The following MAPK8IP3 variants were observed in gnomAD, a reference collection of about 807,000 sequenced individuals.
The protein encoded by MAPK8IP3 is C-Jun-amino-terminal kinase-interacting protein 3.
A neutral mutation model predicts 157.8 loss-of-function variants in MAPK8IP3; 49 were observed. The ratio of observed to expected loss-of-function variants is 0.31; its 90% confidence interval spans 0.25 to 0.39. The LOEUF (loss-of-function observed/expected upper bound fraction) is 0.39, where lower values mean the gene tolerates loss of function less well. Ranked by LOEUF, MAPK8IP3 falls within the 10% of genes least tolerant of loss-of-function variation. The pLI is 1.00. For synonymous variants in MAPK8IP3, 897 were observed against 777.7 expected, an observed-to-expected ratio of 1.15 and a Z score of -2.55; for missense variants, 1,478 against 1,889.4, an observed-to-expected ratio of 0.78 and a Z score of 4.04.
chr16:1,744,933 T>C (rs2040877966), intron 5 of MAPK8IP3: 1 of 979,952 alleles, frequency 1.0e-6, no homozygotes, highest in Non-Finnish European at 1.2e-6. Flanking sequence ...TTTTTTGTTG[T>C]TTTTTGTTTT....
rs2037688055 is a variant in MAPK8IP3, at chr16:1,710,314, A to G, written c.318+3657A>G. Among the ~76,000 whole-genome samples, 1 of 151,924 alleles carries G rather than the reference A, an allele frequency of 6.6e-6. No homozygotes were observed. Among genetic ancestry groups the G allele is most frequent in the Non-Finnish European group, 1.5e-5 (1 of 67,958 alleles). ...CCTGTCTCTACTAAAGAAAAAAAAAAGAAAAAAAAATTAGCCAGGTGTGGC... is the reference window on the plus strand; with the variant it reads ...CCTGTCTCTACTAAAGAAAAAAAAAGGAAAAAAAAATTAGCCAGGTGTGGC... On this transcript the variant is annotated intron_variant, in intron 1 of 31. Transcript: ENST00000610761. The surrounding 1 kb of genome is among the most constrained non-coding windows in gnomAD (Gnocchi z 4.1).
At chr16:1,735,801 ATC>A (rs1344272398) in intron 4 of MAPK8IP3, among the ~76,000 whole-genome samples, 12 of 126,686 alleles carry the variant, frequency 9.5e-5, no homozygotes, top group Non-Finnish European at 1.3e-4. Flanking sequence ...CCATGTGAGC[ATC>A]TGTGTGACCA....
At chr16:1,764,762 G>A (rs891103228) in intron 19 of MAPK8IP3, among the ~76,000 whole-genome samples, 1 of 152,212 alleles carries the variant, frequency 6.6e-6, no homozygotes, top group Non-Finnish European at 1.5e-5. Context: ...GTGGTGGGAG[G>A]CTTAGTTTTA....
At chr16:1,762,803 T>C (rs758262525) in intron 15 of MAPK8IP3, 33 bp from the exon 16 acceptor site, 23 of 1,604,930 alleles carry the variant, frequency 1.4e-5, no homozygotes, top group Middle Eastern at 3.3e-4. Context: ...CCTGGTCCTC[T>C]GCCCACCCCT....
chr16:1,715,645 A>C (rs2038097518), intron 1 of MAPK8IP3, among the ~76,000 whole-genome samples: 1 of 152,186 alleles, frequency 6.6e-6, no homozygotes, highest in African/African-American at 2.4e-5. Context: ...GATTCGTGTC[A>C]AGATTCGTTT....
intron 1 of MAPK8IP3, among the ~76,000 whole-genome samples, chr16:1,709,898 A>G (rs2037656927): frequency 6.6e-6 from 1 of 152,188 alleles, no homozygotes; most frequent in Non-Finnish European, 1.5e-5. Context: ...ACCCTAAAGA[A>G]ACTGCTGCTG....
rs1245921385 is a variant in MAPK8IP3, at chr16:1,761,051, G to A, written c.1458-173G>A. On this transcript the variant is annotated intron_variant, in intron 12 of 31. Coordinates refer to ENST00000610761, the MANE Select transcript of MAPK8IP3 (RefSeq NM_001318852.2). Reference sequence around the variant, plus strand: ...CAGGGCCACCTGTCCCCAGGGAACTGGAAGAAGCGTTCAGGGCCCTGAACC... The same window carrying A: ...CAGGGCCACCTGTCCCCAGGGAACTAGAAGAAGCGTTCAGGGCCCTGAACC... Among the ~76,000 whole-genome samples, 3 of 152,354 alleles carry A rather than the reference G, an allele frequency of 2.0e-5. No homozygotes were observed. In the East Asian group the frequency reaches 5.8e-4, roughly 29 times the overall value.
At position 1,728,479 on chromosome 16, in the gene MAPK8IP3, G is replaced by C. The variant is rs996001202; in HGVS notation, c.440-659G>C. Among the ~76,000 whole-genome samples the C allele has an allele frequency of 2.0e-5, 3 of 152,360 alleles. No individual in the cohort carries two copies. In the East Asian group the frequency reaches 5.8e-4, roughly 29 times the overall value. ...GCCTGCATCTCAGAAGCTTGTGGCTGACTTTAGCACAGAGAGCGCCTGTGG... is the reference window on the plus strand; with the variant it reads ...GCCTGCATCTCAGAAGCTTGTGGCTCACTTTAGCACAGAGAGCGCCTGTGG... On this transcript the variant is annotated intron_variant, in intron 2 of 31. Coordinates refer to ENST00000610761, the MANE Select transcript of MAPK8IP3 (RefSeq NM_001318852.2).
intron 4 of MAPK8IP3, among the ~76,000 whole-genome samples, chr16:1,737,341 C>T (rs1175567132): frequency 1.4e-4 from 9 of 66,490 alleles, no homozygotes; most frequent in Non-Finnish European, 2.4e-4. Flanking sequence ...TCCGTGTGAG[C>T]GTGACCGTCC....
chr16:1,757,027 G>A (rs2041640823), intron 8 of MAPK8IP3, among the ~76,000 whole-genome samples: 1 of 152,040 alleles, frequency 6.6e-6, no homozygotes, highest in Admixed American at 6.6e-5. Flanking sequence ...GAGAGAGAAG[G>A]ACATCTGCTC....
chr16:1,758,753 T>C (rs971287456), intron 9 of MAPK8IP3, among the ~76,000 whole-genome samples: 2 of 152,168 alleles, frequency 1.3e-5, no homozygotes, highest in Non-Finnish European at 2.9e-5. Flanking sequence ...GGCCTGGCAG[T>C]CTTCATGTAA....
chr16:1,768,941 A>C lies in MAPK8IP3; in HGVS notation c.*117A>C. 1.6e-6 allele frequency: 2 copies of C among 1,223,272 alleles called. No individual in the cohort carries two copies. Among genetic ancestry groups the C allele is most frequent in the South Asian group, 2.8e-5 (2 of 71,080 alleles). 75.8% of individuals were successfully genotyped at this position (1,223,272 alleles called of 1,614,324 possible). Reference sequence around the variant, plus strand: ...CCCCTCTTCTAACCTCTCAACCTGCAGCTTTCACCTGAGTCTGGCCCCTCC... The same window carrying C: ...CCCCTCTTCTAACCTCTCAACCTGCCGCTTTCACCTGAGTCTGGCCCCTCC... On this transcript the variant is annotated 3_prime_UTR_variant, in exon 32 of 32. Transcript: ENST00000610761.
chr16:1,767,915 G>A lies in MAPK8IP3; in HGVS notation c.3520G>A (p.Glu1174Lys). 6.2e-7 allele frequency: 1 copy of A among 1,611,012 alleles called. No homozygotes were observed. The highest frequency in any genetic ancestry group is 2.2e-5 in the East Asian group (1 of 44,872). The change falls in exon 28 of 32, where the codon GAG (glutamate) becomes AAG (lysine). Residue 1174 changes from glutamate to lysine, a missense_variant. By Grantham distance (56) the Glu-to-Lys change is moderately conservative. Coordinates refer to ENST00000610761, the MANE Select transcript of MAPK8IP3 (RefSeq NM_001318852.2). Reference protein sequence around the residue: ...NGVVISIPLTETVVLHRGQLL... With the variant: ...NGVVISIPLTKTVVLHRGQLL... ...AGTGGTCATCTCCATCCCCCTGACA[G>A]AGAGTGAGTGGCCTGCACACCTGCA...
Position 1,768,505 on chromosome 16 carries a change from T to A in MAPK8IP3, c.3771T>A (p.Ser1257Arg). The change falls in exon 31 of 32, where the codon AGT becomes AGA. Residue 1257 changes from serine to arginine, a missense_variant. This residue lies in a region of MAPK8IP3 where 133 missense variants were observed against 133.4 expected (regional missense o/e 1.00). Coordinates refer to ENST00000610761, the MANE Select transcript of MAPK8IP3 (RefSeq NM_001318852.2). ...ACGTGCTGGCCACCCTGAATGGGAGTGTGCTGGACAGCCCAGCCGAGGGCC... is the reference window on the plus strand; with the variant it reads ...ACGTGCTGGCCACCCTGAATGGGAGAGTGCTGGACAGCCCAGCCGAGGGCC... ...PGNVLATLNG[S>R]VLDSPAEGPG... 6.4e-7 allele frequency: 1 copy of A among 1,556,988 alleles called. No homozygotes were observed. The highest frequency in any genetic ancestry group is 8.7e-7 in the Non-Finnish European group (1 of 1,153,878).
chr16:1,732,524 T>C (rs1044154857), intron 4 of MAPK8IP3, among the ~76,000 whole-genome samples: 2 of 152,230 alleles, frequency 1.3e-5, no homozygotes, highest in Non-Finnish European at 2.9e-5. Flanking sequence ...GGGCGTGCCG[T>C]GGAGCCTGCA....
chr16:1,766,274 A>G lies in MAPK8IP3; in HGVS notation c.2684A>G (p.Glu895Gly), dbSNP rs1326040206. ...GKVNPSQSTEEATEATEVPDP... is the reference protein window; with the variant it reads ...GKVNPSQSTEGATEATEVPDP... ...GTCAACCCGTCCCAGTCCACAGAGG[A>G]GGCCACAGAGGCCACGGAGGTGCCA... Residue 895 changes from glutamate to glycine, a missense_variant, in exon 22 of 32, where the codon GAG becomes GGG. Coordinates refer to ENST00000610761, the MANE Select transcript of MAPK8IP3 (RefSeq NM_001318852.2). 1 of 1,612,574 alleles carries G rather than the reference A, an allele frequency of 6.2e-7. No homozygotes were observed. The highest frequency in any genetic ancestry group is 1.7e-5 in the Admixed American group (1 of 60,014).
intron 1 of MAPK8IP3, among the ~76,000 whole-genome samples, chr16:1,718,125 T>G (rs2038278555): frequency 6.6e-6 from 1 of 152,052 alleles, no homozygotes; most frequent in Non-Finnish European, 1.5e-5. Context: ...AGTGCTGGGA[T>G]TACAGGTGTG....
At chr16:1,729,402 G>T in intron 3 of MAPK8IP3, 85 bp from the exon 4 acceptor site, 1 of 1,394,186 alleles carries the variant, frequency 7.2e-7, no homozygotes, top group East Asian at 2.4e-5. Flanking sequence ...TGCCTGCACA[G>T]GGCAGCCGGA....
chr16:1,754,398 G>A (rs969167754), intron 8 of MAPK8IP3, among the ~76,000 whole-genome samples: 4 of 152,162 alleles, frequency 2.6e-5, no homozygotes, highest in African/African-American at 9.7e-5. Context: ...CCACGCAGCT[G>A]ATCTTTCTCT....
Sources: gnomAD v4.1 joint callset for allele counts (sites outside exome capture counted in the v4.1 genomes callset) on GRCh38, gnomAD v4.1.1 for gene constraint, gnomAD v4.1.1 regional missense constraint, Gnocchi (gnomAD v3.1) non-coding constraint, MANE v1.5 for transcripts, NCBI Gene and HGNC (gene_info 2026-07-23, HGNC 2026-07-21) for gene names.